The following IQGAP3 variants were observed in gnomAD, a reference collection of about 807,000 sequenced individuals.
IQGAP3 encodes IQ motif containing GTPase activating protein 3, also known as ras GTPase-activating-like protein IQGAP3.
Under a neutral mutation model 208.2 loss-of-function variants are expected in IQGAP3, and 165 were observed. The observed-to-expected ratio is 0.79, with a 90% confidence interval of 0.70 to 0.90. IQGAP3 has a LOEUF of 0.90. Among genes scored for constraint, IQGAP3 ranks in the 40% least tolerant of loss-of-function variants. The pLI, the probability that IQGAP3 is intolerant of heterozygous loss-of-function variation, is 0.00. For synonymous variants in IQGAP3, 703 were observed against 803.6 expected, an observed-to-expected ratio of 0.87 and a Z score of 2.12; for missense variants, 1,811 against 2,043.1, an observed-to-expected ratio of 0.89 and a Z score of 2.19.
At chr1:156,567,757 G>C (rs1676472764) in intron 2 of IQGAP3, among the ~76,000 whole-genome samples, 1 of 152,170 alleles carries the variant, frequency 6.6e-6, no homozygotes, top group Admixed American at 6.5e-5. Context: ...TAAAAGCAAA[G>C]AATTAAGTAC....
At chr1:156,534,408 G>T (rs1674582287) in intron 29 of IQGAP3, 93 bp downstream of exon 29, 1 of 1,040,392 alleles carries the variant, frequency 9.6e-7, no homozygotes, top group East Asian at 2.5e-5. Flanking sequence ...TTCTATTTAT[G>T]CCTCTTGTCC....
At chr1:156,531,354 G>T in intron 32 of IQGAP3, 107 bp from the exon 33 acceptor site, 1 of 812,724 alleles carries the variant, frequency 1.2e-6, no homozygotes. Flanking sequence ...CTATAGCATG[G>T]CTGCTAGGAT....
At position 156,561,923 on chromosome 1, in the gene IQGAP3, G is replaced by C. The variant is rs774977793; in HGVS notation, c.956C>G (p.Pro319Arg). ...CCTCACCCCTCGCAGGGCCAGGGCA[G>C]GGTCTTGAAGGGCCTTGAGCAAGGC... ...PEALLKALQD[P>R]ALALRGVRRD... Residue 319 changes from proline (P) to arginine (R), a missense_variant, in exon 10 of 38, where the codon CCT becomes CGT. Transcript: ENST00000361170. 9.3e-6 allele frequency: 15 copies of C among 1,613,900 alleles called. 1 individual carries two copies. The South Asian group carries it at 1.6e-4, about 18-fold the overall frequency.
At chr1:156,551,586 AC>A in intron 15 of IQGAP3, 118 bp downstream of exon 15, 6 of 1,071,152 alleles carry the variant, frequency 5.6e-6, no homozygotes, top group Non-Finnish European at 7.9e-6. Flanking sequence ...CACCCCCCTC[AC>A]CCCCACCCAG....
chr1:156,537,865 A>G (rs1674770249), intron 26 of IQGAP3, among the ~76,000 whole-genome samples: 1 of 151,766 alleles, frequency 6.6e-6, no homozygotes, highest in Non-Finnish European at 1.5e-5. Flanking sequence ...CCCTATCAAT[A>G]GGAGTCCATA....
rs375724691 is a variant in IQGAP3, at chr1:156,539,008, C to T, written c.3082G>A (p.Val1028Met). The T allele has an allele frequency of 4.0e-5, 64 of 1,613,964 alleles. No homozygotes were observed. Among genetic ancestry groups the T allele is most frequent in the South Asian group, 6.6e-5 (6 of 91,042 alleles). ...ACCACTGTTGGGTTGCCTGTCACCA[C>T]GTCCTGGGGCTGCTCCACCTTTGAC... The part of the protein sequence containing the change: ...IKSKVEQPQD[V>M]VTGNPTVVRL... The change falls in exon 26 of 38, where the codon GTG becomes ATG. Residue 1028 changes from valine (V) to methionine (M), a missense_variant. Coordinates refer to ENST00000361170, the MANE Select transcript of IQGAP3 (RefSeq NM_178229.5).
At chr1:156,554,530 AATC>A in intron 12 of IQGAP3, 138 bp from the exon 13 acceptor site, 1 of 704,034 alleles carries the variant, frequency 1.4e-6, no homozygotes, top group Non-Finnish European at 2.3e-6. Context: ...ACTCACTAAT[AATC>A]ATCATACAAA....
chr1:156,564,499 G>A (rs567044878), intron 5 of IQGAP3, 116 bp downstream of exon 5: 2 of 776,614 alleles, frequency 2.6e-6, no homozygotes, highest in Non-Finnish European at 4.7e-6. Context: ...TCACTCTCCT[G>A]AGCAGTGCTC....
intron 13 of IQGAP3, 100 bp downstream of exon 13, chr1:156,554,135 T>C: frequency 7.0e-7 from 1 of 1,419,058 alleles, no homozygotes; most frequent in Non-Finnish European, 9.5e-7. Context: ...GGCCCAAGAA[T>C]GGGACATCGT....
intron 1 of IQGAP3, among the ~76,000 whole-genome samples, chr1:156,572,212 A>T (rs929084647): frequency 6.6e-6 from 1 of 152,240 alleles, no homozygotes; most frequent in African/African-American, 2.4e-5. Context: ...CATTAGGATC[A>T]CCTACATTCT....
chr1:156,569,336 G>T, intron 2 of IQGAP3, 40 bp downstream of exon 2: 1 of 1,349,470 alleles, frequency 7.4e-7, no homozygotes, highest in Non-Finnish European at 1.1e-6. Flanking sequence ...GTGGTAGAAA[G>T]GGAGAGCAGA....
At chr1:156,534,941 G>A (rs1674620171) in intron 28 of IQGAP3, among the ~76,000 whole-genome samples, 1 of 152,184 alleles carries the variant, frequency 6.6e-6, no homozygotes, top group African/African-American at 2.4e-5. Flanking sequence ...CTCCTGACAA[G>A]AAGCCAGTGT....
chr1:156,527,294 A>G lies in IQGAP3; in HGVS notation c.4782+658T>C, dbSNP rs1240428481. 1.6e-4 allele frequency among the ~76,000 whole-genome samples: 24 copies of G among 151,656 alleles called. 1 individual carries two copies. The highest frequency in any genetic ancestry group is 1.6e-3 in the Admixed American group (24 of 15,254). ...CAGCAGTTCAAGACCAGCCTGACCA[A>G]CATGGTGAAACCCCATCTCTACTAA... is the stretch of plus-strand genomic sequence containing the variant. On this transcript the variant is annotated intron_variant, in intron 37 of 37. Coordinates refer to ENST00000361170, the MANE Select transcript of IQGAP3 (RefSeq NM_178229.5).
intron 9 of IQGAP3, 88 bp from the exon 10 acceptor site, chr1:156,562,089 T>C: frequency 8.2e-7 from 1 of 1,222,818 alleles, no homozygotes; most frequent in Non-Finnish European, 1.1e-6. Context: ...ACCCTCTTCT[T>C]GCCTGCCCGG....
intron 25 of IQGAP3, 82 bp from the exon 26 acceptor site, chr1:156,539,115 T>C (rs1267192020): frequency 3.2e-6 from 4 of 1,231,424 alleles, no homozygotes; most frequent in Non-Finnish European, 4.7e-6. Context: ...AGATTTTGGC[T>C]CTCAAAGCCT....
In IQGAP3 at chr1:156,548,659, G is replaced by A. The variant is rs1675393794; in HGVS notation, c.1915C>T (p.Leu639Phe). 1.9e-6 allele frequency: 3 copies of A among 1,612,276 alleles called. No homozygotes were observed. The South Asian group carries it at 3.3e-5, about 18-fold the overall frequency. Residue 639 changes from leucine to phenylalanine, a missense_variant, in exon 17 of 38, where the codon CTT (leucine) becomes TTT (phenylalanine). Leu to Phe is a conservative substitution (Grantham distance 22). Transcript: ENST00000361170. Reference protein sequence around the residue: ...ERVLRNPAVALRGVVPDCANG... With the variant: ...ERVLRNPAVAFRGVVPDCANG... ...GCACAGTCGGGAACTACCCCTCGAAGGGCCACTGCGGGGTTCCTCAACACC... is the reference window on the plus strand; with the variant it reads ...GCACAGTCGGGAACTACCCCTCGAAAGGCCACTGCGGGGTTCCTCAACACC...
rs1177739909 is a variant in IQGAP3, at chr1:156,526,584, G to T, written c.4798C>A (p.Gln1600Lys). 1.9e-6 allele frequency: 3 copies of T among 1,613,114 alleles called. No individual in the cohort carries two copies. The African/African-American group carries it at 4.0e-5, about 22-fold the overall frequency. The change falls in exon 38 of 38, where the codon CAG becomes AAG. Residue 1600 changes from glutamine to lysine, a missense_variant. Transcript: ENST00000361170. ...TTCATGACAGCCACACCCTCATACT[G>T]GAGCTGCAGGAGATCCTAGGAGGGA... ...QLHYQDLLQL[Q>K]YEGVAVMKLF...
Position 156,562,635 on chromosome 1 carries a change from G to T in IQGAP3, c.829C>A (p.His277Asn). 1.2e-6 allele frequency: 2 copies of T among 1,614,104 alleles called. No homozygotes were observed. Among genetic ancestry groups the T allele is most frequent in the Non-Finnish European group, 1.7e-6 (2 of 1,179,980 alleles). Residue 277 changes from histidine to asparagine, a missense_variant, in exon 9 of 38, where the codon CAC becomes AAC. His to Asn is a moderately conservative substitution (Grantham distance 68). Coordinates refer to ENST00000361170, the MANE Select transcript of IQGAP3 (RefSeq NM_178229.5). ...DDRESQDIYDHYLTQAEIQGN... is the reference protein window; with the variant it reads ...DDRESQDIYDNYLTQAEIQGN... ...TGGATTTCAGCCTGAGTTAGGTAGT[G>T]GTCATAGATGTCCTGGCTTTCTCTG... is the stretch of plus-strand genomic sequence containing the variant.
chr1:156,559,648 C>T (rs896005340), intron 11 of IQGAP3, among the ~76,000 whole-genome samples: 2 of 152,176 alleles, frequency 1.3e-5, no homozygotes, highest in East Asian at 1.9e-4. Flanking sequence ...TGTTTTCACC[C>T]GCTCATCAAC....
Sources: allele counts gnomAD v4.1 joint callset (sites outside exome capture counted in the v4.1 genomes callset), GRCh38; gene constraint gnomAD v4.1.1; transcripts MANE v1.5; gene names NCBI Gene and HGNC (gene_info 2026-07-23, HGNC 2026-07-21).